The following ZNF823 variants were observed in gnomAD, a reference collection of about 807,000 sequenced individuals.
ZNF823 encodes the protein zinc finger protein 823.
In ZNF823, 5 loss-of-function variants were observed where a neutral mutation model predicts 11.4. The observed-to-expected ratio is 0.44, with a 90% CI of 0.23 to 0.92. The LOEUF is 0.92. Ranked by LOEUF, ZNF823 falls within the 40% of genes least tolerant of loss-of-function variation. The probability of loss-of-function intolerance (pLI) is 0.24; values close to 1 mark genes in which losing one functional copy is unlikely to be tolerated. For synonymous variants in ZNF823, 234 were observed against 250.5 expected, an observed-to-expected ratio of 0.93 and a Z score of 0.62; for missense variants, 582 against 738.5, an observed-to-expected ratio of 0.79 and a Z score of 2.46.
At chr19:11,731,034 C>A (rs926407150) in intron 1 of ZNF823, among the ~76,000 whole-genome samples, 3 of 151,286 alleles carry the variant, frequency 2.0e-5, no homozygotes, top group Admixed American at 6.6e-5. Flanking sequence ...CGCCCGCAGC[C>A]GGGTGAGGTG....
Position 11,738,748 on chromosome 19 carries a change from C to G in ZNF823, c.3+69G>C. 3 of 1,535,900 alleles carry G rather than the reference C, an allele frequency of 2.0e-6. No homozygotes were observed. In the East Asian group the frequency reaches 7.3e-5, roughly 37 times the overall value. ...GCCCAGGGCGAGGCCCGGGTCCCCT[C>G]ACGGTCGGTTCCGGCCGGTTCCAAC... On this transcript the variant is annotated intron_variant, in intron 1 of 3. Coordinates refer to ENST00000341191, the MANE Select transcript of ZNF823 (RefSeq NM_001080493.4).
At chr19:11,738,116 C>CG (rs1318370239) in intron 1 of ZNF823, among the ~76,000 whole-genome samples, 3 of 152,212 alleles carry the variant, frequency 2.0e-5, no homozygotes, top group Non-Finnish European at 4.4e-5. Flanking sequence ...CGCTGCCTCA[C>CG]GGGGCCGCCT....
In ZNF823 at chr19:11,723,261, G is replaced by A; in HGVS notation, c.273C>T (p.Asn91=). The A allele has an allele frequency of 6.2e-7, 1 of 1,614,006 alleles. No homozygotes were observed. The highest frequency in any genetic ancestry group is 8.5e-7 in the Non-Finnish European group (1 of 1,179,898). Residue 91 remains asparagine (N), a synonymous_variant, in exon 4 of 4, where the codon AAC becomes AAT. Coordinates refer to ENST00000341191, the MANE Select transcript of ZNF823 (RefSeq NM_001080493.4). ...TGTCACATGGATTTACTCGAGGAGTGTTCTTGTTCACAATACTATCTGGAA... is the reference window on the plus strand; with the variant it reads ...TGTCACATGGATTTACTCGAGGAGTATTCTTGTTCACAATACTATCTGGAA... ...GQIPDSIVNK[N]TPRVNPCDSG...
intron 1 of ZNF823, among the ~76,000 whole-genome samples, 197 bp from the exon 2 acceptor site, chr19:11,725,524 A>C (rs1974774567): frequency 6.6e-6 from 1 of 152,226 alleles, no homozygotes; most frequent in African/African-American, 2.4e-5. Flanking sequence ...TGTTTGGTAA[A>C]GTAACAGTCG....
chr19:11,727,083 A>G (rs138591073), intron 1 of ZNF823, among the ~76,000 whole-genome samples: 42 of 152,350 alleles, frequency 2.8e-4, no homozygotes, highest in African/African-American at 9.1e-4. Flanking sequence ...AAGATTGCAC[A>G]TGTTCTAACA....
Position 11,725,304 on chromosome 19 carries a change from C to G in ZNF823, c.27G>C (p.Val9=). 2 of 1,614,036 alleles carry G rather than the reference C, an allele frequency of 1.2e-6. No individual in the cohort carries two copies. The highest frequency in any genetic ancestry group is 1.7e-5 in the Admixed American group (1 of 60,010). ...ACTCCTCTTGTGTGAAGTTCACAGC[C>G]ACATCTTCAAAGGCCACTGAGTCCT... The part of the protein sequence containing the change: MDSVAFED[V]AVNFTQEEWA... Residue 9 remains valine, a synonymous_variant, in exon 2 of 4, where the codon GTG becomes GTC. Transcript: ENST00000341191.
intron 1 of ZNF823, among the ~76,000 whole-genome samples, chr19:11,727,223 C>T (rs528253374): frequency 6.6e-6 from 1 of 152,048 alleles, no homozygotes; most frequent in Non-Finnish European, 1.5e-5. Flanking sequence ...GGTTAAAAAC[C>T]TAACCGGCAG....
rs151278222 is a variant in ZNF823 at position 11,723,792 on chromosome 19, G to A, written c.191+402C>T. Among the ~76,000 whole-genome samples the A allele has an allele frequency of 9.9e-3, 1,515 of 152,270 alleles. 20 individuals are homozygous for A. Among genetic ancestry groups the A allele is most frequent in the African/African-American group, 0.035 (1,444 of 41,534 alleles). On this transcript the variant is annotated intron_variant, in intron 3 of 3. Transcript: ENST00000341191. ...ACTCCCGACCTCAGGTGATCCACCC[G>A]CCTTGGCCTCCTAAAGTGCTGGGAT...
intron 1 of ZNF823, among the ~76,000 whole-genome samples, chr19:11,729,611 G>A (rs995417240): frequency 1.3e-5 from 2 of 152,258 alleles, no homozygotes; most frequent in South Asian, 4.1e-4. Context: ...ATTTTGTTGA[G>A]TTGCTTCCTC....
rs1568465890 is a variant in ZNF823 at position 11,722,889 on chromosome 19, AGT to A, written c.643_644del (p.Thr215TrpfsTer6). ...SLFHLHERTH[T>X]GEKPYECKQC... ...GCTTACATTCATACGGTTTCTCTCC[AGT>A]GTGTGTTCTTTCGTGCAAATGAAAT... On this transcript the variant is annotated frameshift_variant, in exon 4 of 4. Transcript: ENST00000341191. LOFTEE classifies it low-confidence loss of function (END_TRUNC). The surrounding 1 kb of genome is among the most constrained non-coding windows in gnomAD (Gnocchi z 5.2). 6.2e-7 allele frequency: 1 copy of A among 1,614,194 alleles called. No individual in the cohort carries two copies.
rs547291041 is a variant in ZNF823, at chr19:11,724,782, G to T, written c.130+419C>A. ...TCACCATGTTAGCCAGGATGGTCTCGATCTCCTGACCTCATGATCTTCCCG... is the reference window on the plus strand; with the variant it reads ...TCACCATGTTAGCCAGGATGGTCTCTATCTCCTGACCTCATGATCTTCCCG... On this transcript the variant is annotated intron_variant, in intron 2 of 3. Transcript: ENST00000341191. Among the ~76,000 whole-genome samples the T allele has an allele frequency of 2.6e-5, 4 of 151,658 alleles. No individual in the cohort carries two copies. In the East Asian group the frequency reaches 7.8e-4, roughly 30 times the overall value.
chr19:11,731,991 AAGAGTGAAACTC>A (rs1215633456), intron 1 of ZNF823, among the ~76,000 whole-genome samples: 1 of 148,260 alleles, frequency 6.7e-6, no homozygotes, highest in Non-Finnish European at 1.5e-5. Flanking sequence ...CTTGGGTAAC[AAGAGTGAAACTC>A]CGTCTCAAAA....
intron 1 of ZNF823, among the ~76,000 whole-genome samples, chr19:11,729,412 A>G (rs1974854176): frequency 6.6e-6 from 1 of 152,222 alleles, no homozygotes; most frequent in Non-Finnish European, 1.5e-5. Context: ...GTTATACAAG[A>G]AGACATAATA....
At chr19:11,727,289 T>C (rs550582848) in intron 1 of ZNF823, among the ~76,000 whole-genome samples, 1 of 151,952 alleles carries the variant, frequency 6.6e-6, no homozygotes, top group South Asian at 2.1e-4. Context: ...GGGGGGCGGA[T>C]CAAAAGGTCA....
Position 11,724,086 on chromosome 19 carries a change from A to G in ZNF823, c.191+108T>C, listed in dbSNP as rs1296594204. The G allele has an allele frequency of 7.8e-6, 7 of 894,980 alleles. No homozygotes were observed. In the East Asian group the frequency reaches 2.0e-4, roughly 25 times the overall value. 55.4% of individuals were successfully genotyped at this position (894,980 alleles called of 1,614,324 possible). On this transcript the variant is annotated intron_variant, in intron 3 of 3. Coordinates refer to ENST00000341191, the MANE Select transcript of ZNF823 (RefSeq NM_001080493.4). ...GGTCAGAAAAAGAATTATTGGAATG[A>G]ATAAATTTAAGCTGGGCTTGTTCAT...
intron 1 of ZNF823, chr19:11,725,976 C>G (rs952014413): frequency 6.6e-6 from 1 of 151,338 alleles, no homozygotes; most frequent in African/African-American, 2.4e-5. Flanking sequence ...GCCTATAATC[C>G]CAGCACTTTG....
At chr19:11,734,727 TG>T (rs948448340) in intron 1 of ZNF823, among the ~76,000 whole-genome samples, 11 of 152,050 alleles carry the variant, frequency 7.2e-5, no homozygotes, top group Admixed American at 5.2e-4. Flanking sequence ...TTAGTAGAGA[TG>T]GGGTTTTGCC....
chr19:11,734,092 G>A (rs1049994614), intron 1 of ZNF823, among the ~76,000 whole-genome samples: 1 of 151,794 alleles, frequency 6.6e-6, no homozygotes, highest in Admixed American at 6.6e-5. Flanking sequence ...AAAATTAGCC[G>A]GGCCTAGTGG....
rs773204771 is a variant in ZNF823, at chr19:11,722,228, C to G, written c.1306G>C (p.Ala436Pro). The G allele has an allele frequency of 1.2e-6, 2 of 1,613,006 alleles. No individual in the cohort carries two copies. Reference protein sequence around the residue: ...SLAGSLRRHEATHTGVKPYKC... With the variant: ...SLAGSLRRHEPTHTGVKPYKC... Reference sequence around the variant, plus strand: ...TAGGGTTTCACTCCAGTGTGAGTTGCTTCATGTCTTCGAAGGGAACCGGCA... The same window carrying G: ...TAGGGTTTCACTCCAGTGTGAGTTGGTTCATGTCTTCGAAGGGAACCGGCA... The change falls in exon 4 of 4, where the codon GCA (alanine) becomes CCA (proline). Residue 436 changes from alanine to proline, a missense_variant. Coordinates refer to ENST00000341191, the MANE Select transcript of ZNF823 (RefSeq NM_001080493.4). The surrounding 1 kb of genome is among the most constrained non-coding windows in gnomAD (Gnocchi z 5.2).
Sources: allele counts gnomAD v4.1 joint callset (sites outside exome capture counted in the v4.1 genomes callset), GRCh38; gene constraint gnomAD v4.1.1; non-coding constraint Gnocchi (gnomAD v3.1); transcripts MANE v1.5; gene names NCBI Gene and HGNC (gene_info 2026-07-23, HGNC 2026-07-21).